CD99L2: variants seen among roughly 807,000 people sequenced by gnomAD.
The protein encoded by CD99L2 is CD99 antigen-like protein 2.
A neutral mutation model predicts 27.3 loss-of-function variants in CD99L2; 24 were observed. The ratio of observed to expected loss-of-function variants is 0.88; its 90% CI spans 0.64 to 1.24. The LOEUF (loss-of-function observed/expected upper bound fraction) is 1.24, where lower values mean the gene tolerates loss of function less well. Among genes scored for constraint, CD99L2 ranks in the 50% most tolerant of loss-of-function variants. CD99L2 has a pLI of 0.00. For synonymous variants in CD99L2, 97 were observed against 87.9 expected (o/e 1.10, Z -0.58); for missense variants, 255 against 221.6 (o/e 1.15, Z -0.96).
At chrX:150,836,614 A>G (rs782078699) in intron 1 of CD99L2, among the ~76,000 whole-genome samples, 1 of 112,020 alleles carries the variant, frequency 8.9e-6, no homozygotes, top group African/African-American at 3.2e-5. Flanking sequence ...GGTGTGAGCC[A>G]CTGCACCCGG....
At chrX:150,790,377 T>C (rs1175959557) in intron 7 of CD99L2, among the ~76,000 whole-genome samples, 1 of 109,716 alleles carries the variant, frequency 9.1e-6, no homozygotes, top group Non-Finnish European at 1.9e-5. Context: ...GAACAAAACA[T>C]CAACCAGGTG....
chrX:150,888,611 G>C (rs1165337180), intron 1 of CD99L2, among the ~76,000 whole-genome samples: 2 of 112,187 alleles, frequency 1.8e-5, no homozygotes, highest in African/African-American at 6.5e-5. Flanking sequence ...TAAATGTTAT[G>C]TGTATTTTAC....
chrX:150,808,740 T>C (rs1557420305), intron 4 of CD99L2, among the ~76,000 whole-genome samples: 1 of 111,915 alleles, frequency 8.9e-6, no homozygotes, highest in African/African-American at 3.2e-5. Context: ...TGGGTGATTC[T>C]AACATAACCA....
chrX:150,778,406 C>G (rs1332945764), intron 7 of CD99L2, among the ~76,000 whole-genome samples: 1 of 103,748 alleles, frequency 9.6e-6, no homozygotes, highest in African/African-American at 3.6e-5. Context: ...CTTCACCAAT[C>G]AAAGAGTCAG....
intron 4 of CD99L2, among the ~76,000 whole-genome samples, chrX:150,801,690 C>T (rs2045909675): frequency 9.0e-6 from 1 of 110,767 alleles, no homozygotes; most frequent in African/African-American, 3.3e-5. Flanking sequence ...AAAATATTAG[C>T]AAACAGAATA....
At chrX:150,809,281 TATA>T (rs2046039927) in intron 4 of CD99L2, among the ~76,000 whole-genome samples, 1 of 111,379 alleles carries the variant, frequency 9.0e-6, no homozygotes, top group South Asian at 3.8e-4. Context: ...TATGAAGTAA[TATA>T]ATATCAAACT....
chrX:150,810,910 T>C (rs953606770), intron 4 of CD99L2, among the ~76,000 whole-genome samples: 1 of 111,303 alleles, frequency 9.0e-6, no homozygotes, highest in Non-Finnish European at 1.9e-5. Flanking sequence ...CAAGAAGAAA[T>C]AGAAAATCTG....
At chrX:150,877,103 C>T (rs1393452447) in intron 1 of CD99L2, among the ~76,000 whole-genome samples, 2 of 96,113 alleles carry the variant, frequency 2.1e-5, no homozygotes, top group Admixed American at 1.2e-4. Context: ...GACAACATAG[C>T]GAGACCCTGT....
chrX:150,772,273 G>A (rs1051785222), intron 9 of CD99L2, among the ~76,000 whole-genome samples: 2 of 112,755 alleles, frequency 1.8e-5, no homozygotes, highest in Admixed American at 1.9e-4. Context: ...GGGGCAAGGC[G>A]AGCTGGGAGT....
At chrX:150,877,136 AAG>A (rs1191720818) in intron 1 of CD99L2, among the ~76,000 whole-genome samples, 14 of 104,706 alleles carry the variant, frequency 1.3e-4, no homozygotes, top group South Asian at 4.2e-4. Flanking sequence ...AAAAAAAAAA[AAG>A]AAAGAAAGAA....
intron 2 of CD99L2, chrX:150,829,508 C>A (rs1390720033): frequency 9.1e-6 from 3 of 328,279 alleles, no homozygotes; most frequent in African/African-American, 8.1e-5. Context: ...TGTGGCCCAA[C>A]CAACACCTTG....
rs181191663 is a variant in CD99L2 at position 150,804,698 on chromosome X, T to C, written c.278-9212A>G. Reference sequence around the variant, plus strand: ...CAAAATTGACAAACCTTTAGCAAGATTGACAAAGAAAAAGAGAGAGGACTC... The same window carrying C: ...CAAAATTGACAAACCTTTAGCAAGACTGACAAAGAAAAAGAGAGAGGACTC... On this transcript the variant is annotated intron_variant, in intron 4 of 10. Transcript: ENST00000370377. 1.6e-3 allele frequency among the ~76,000 whole-genome samples: 175 copies of C among 111,017 alleles called. 1 individual carries two copies. Among genetic ancestry groups the C allele is most frequent in the African/African-American group, 5.3e-3 (161 of 30,512 alleles).
intron 1 of CD99L2, among the ~76,000 whole-genome samples, chrX:150,870,116 A>G (rs1428834007): frequency 1.8e-5 from 2 of 111,907 alleles, no homozygotes; most frequent in Admixed American, 1.9e-4. Flanking sequence ...ATAAAGCTTT[A>G]AGATCAAAAT....
intron 1 of CD99L2, among the ~76,000 whole-genome samples, chrX:150,861,256 A>C (rs1472898820): frequency 9.0e-6 from 1 of 111,413 alleles, no homozygotes; most frequent in Non-Finnish European, 1.9e-5. Flanking sequence ...AAATAGAAAA[A>C]ACAATCCGAA....
At chrX:150,845,056 A>G (rs1288356658) in intron 1 of CD99L2, among the ~76,000 whole-genome samples, 1 of 112,361 alleles carries the variant, frequency 8.9e-6, no homozygotes. Flanking sequence ...AACAAATTGT[A>G]TAAGTCACTT....
intron 6 of CD99L2, among the ~76,000 whole-genome samples, chrX:150,794,037 T>C (rs927874695): frequency 1.8e-5 from 2 of 111,229 alleles, no homozygotes; most frequent in African/African-American, 6.6e-5. Context: ...TTTGCAGAGG[T>C]GATTAAGGTA....
At chrX:150,857,210 T>C (rs1557421777) in intron 1 of CD99L2, among the ~76,000 whole-genome samples, 2 of 111,413 alleles carry the variant, frequency 1.8e-5, no homozygotes, top group African/African-American at 6.5e-5. Context: ...AAATAATAGA[T>C]GAAAACTTCC....
At position 150,776,235 on chromosome X, in the gene CD99L2, G is replaced by A; in HGVS notation, c.594C>T (p.Leu198=). The A allele has an allele frequency of 1.7e-6, 2 of 1,211,698 alleles. No individual in the cohort carries two copies. The highest frequency in any genetic ancestry group is 2.2e-6 in the Non-Finnish European group (2 of 895,301). The part of the protein sequence containing the change: ...AGVASALAMA[L]IGAVSSYISY... ...AGATGTAGCTGGAGACGGCACCGAT[G>A]AGGGCCATGGCCAGGGCGCTGGCCA... Residue 198 remains leucine, a synonymous_variant, in exon 9 of 11, where the codon CTC becomes CTT. Coordinates refer to ENST00000370377, the MANE Select transcript of CD99L2 (RefSeq NM_031462.4).
chrX:150,811,237 T>A (rs1417050238), intron 4 of CD99L2, among the ~76,000 whole-genome samples: 1 of 111,388 alleles, frequency 9.0e-6, no homozygotes, highest in Admixed American at 9.5e-5. Flanking sequence ...AAGACACAAC[T>A]TCACGCCCAC....
Sources: gnomAD v4.1 joint callset for allele counts (sites outside exome capture counted in the v4.1 genomes callset) on GRCh38, gnomAD v4.1.1 for gene constraint, MANE v1.5 for transcripts, NCBI Gene and HGNC (gene_info 2026-07-23, HGNC 2026-07-21) for gene names.